Variants in SPECC1 observed in about 807,000 individuals in gnomAD.
The protein encoded by SPECC1 is cytospin-B.
In SPECC1, 62 loss-of-function variants were observed where a neutral mutation model predicts 104.1. That is an observed-to-expected ratio of 0.60 (90% CI 0.49 to 0.74). The LOEUF is 0.74. Among genes scored for constraint, SPECC1 ranks in the 30% least tolerant of loss-of-function variants. The pLI is 0.00. For synonymous variants in SPECC1, 513 were observed against 501.6 expected (o/e 1.02, Z -0.30); for missense variants, 1,306 against 1,310.5 (o/e 1.00, Z 0.05).
chr17:20,299,555 C>CAAAAAAAAAAAAAA (rs57493380), intron 13 of SPECC1, among the ~76,000 whole-genome samples: 1 of 40,366 alleles, frequency 2.5e-5, no homozygotes, highest in Non-Finnish European at 5.3e-5. Context: ...GACCCTGTCT[C>CAAAAAAAAAAAAAA]AAAAAAAAAA....
At chr17:20,058,283 T>G (rs1316674113) in intron 1 of SPECC1, among the ~76,000 whole-genome samples, 1 of 152,228 alleles carries the variant, frequency 6.6e-6, no homozygotes, top group African/African-American at 2.4e-5. Context: ...TGGGACTCAC[T>G]GTCCATACTG....
intron 9 of SPECC1, among the ~76,000 whole-genome samples, chr17:20,248,662 T>C (rs1447974205): frequency 6.6e-6 from 1 of 152,242 alleles, no homozygotes; most frequent in Non-Finnish European, 1.5e-5. Context: ...TTATCTCTTG[T>C]GTGTCGGTGT....
At chr17:20,286,933 A>C (rs889392279) in intron 12 of SPECC1, among the ~76,000 whole-genome samples, 1 of 152,162 alleles carries the variant, frequency 6.6e-6, no homozygotes, top group East Asian at 1.9e-4. Context: ...CCCAGGCTGC[A>C]GGAGCTCCTG....
intron 1 of SPECC1, among the ~76,000 whole-genome samples, chr17:20,013,220 G>A (rs866254546): frequency 5.9e-5 from 9 of 152,322 alleles, no homozygotes; most frequent in Middle Eastern, 3.4e-3. Flanking sequence ...TATATACCCA[G>A]AAGTAGAATT....
chr17:20,187,645 G>A (rs1567916537), intron 3 of SPECC1, among the ~76,000 whole-genome samples: 2 of 152,110 alleles, frequency 1.3e-5, no homozygotes, highest in Admixed American at 6.5e-5. Context: ...TTCAGTTATG[G>A]GAGTCAAAAC....
At chr17:20,028,045 G>A (rs1034177798) in intron 1 of SPECC1, among the ~76,000 whole-genome samples, 2 of 152,034 alleles carry the variant, frequency 1.3e-5, no homozygotes, top group African/African-American at 2.4e-5. Context: ...TTTTACAGTC[G>A]TAACTCTTAC....
At chr17:20,206,632 A>C (rs938217718) in intron 4 of SPECC1, among the ~76,000 whole-genome samples, 1 of 152,192 alleles carries the variant, frequency 6.6e-6, no homozygotes, top group Non-Finnish European at 1.5e-5. Context: ...ATGTATTGTC[A>C]AACATTTGTG....
chr17:20,098,927 C>T (rs1193358102), intron 2 of SPECC1, among the ~76,000 whole-genome samples: 2 of 152,148 alleles, frequency 1.3e-5, no homozygotes, highest in Non-Finnish European at 2.9e-5. Context: ...CTGGTAGGCA[C>T]TCAGTATTTA....
chr17:20,274,532 T>C (rs543083176), intron 12 of SPECC1, among the ~76,000 whole-genome samples: 1 of 139,766 alleles, frequency 7.2e-6, no homozygotes, highest in South Asian at 2.3e-4. Context: ...TTTTGAGAGG[T>C]AGTCTCAAAA....
chr17:20,108,737 T>G (rs1312286939), intron 2 of SPECC1, among the ~76,000 whole-genome samples: 1 of 152,220 alleles, frequency 6.6e-6, no homozygotes, highest in Non-Finnish European at 1.5e-5. Flanking sequence ...TGTTCTAGTT[T>G]TGGGCTGCTA....
At chr17:20,182,737 A>C (rs544927680) in intron 3 of SPECC1, among the ~76,000 whole-genome samples, 4 of 152,332 alleles carry the variant, frequency 2.6e-5, no homozygotes, top group East Asian at 1.9e-4. Context: ...CTGAGTCTCA[A>C]GTAGCTTAGA....
chr17:20,199,391 T>G (rs1377370979), intron 3 of SPECC1, among the ~76,000 whole-genome samples: 3 of 141,636 alleles, frequency 2.1e-5, no homozygotes, highest in African/African-American at 5.2e-5. Flanking sequence ...TGGTTTTTTT[T>G]TTTTTTTTTT....
chr17:20,181,098 A>T (rs1283161253), intron 3 of SPECC1, among the ~76,000 whole-genome samples: 2 of 152,196 alleles, frequency 1.3e-5, no homozygotes, highest in African/African-American at 4.8e-5. Flanking sequence ...AAATCTAGAC[A>T]AATTATAAAT....
chr17:20,051,074 T>C (rs1008119600), intron 1 of SPECC1, among the ~76,000 whole-genome samples: 1 of 64,284 alleles, frequency 1.6e-5, no homozygotes, highest in Non-Finnish European at 3.0e-5. Flanking sequence ...TTCTTTTTCT[T>C]TCTTTCTTTC....
At chr17:20,140,000 C>T (rs920037030) in intron 3 of SPECC1, among the ~76,000 whole-genome samples, 1 of 152,004 alleles carries the variant, frequency 6.6e-6, no homozygotes, top group Non-Finnish European at 1.5e-5. Flanking sequence ...TTTTGCATTC[C>T]CCTGACTTCA....
intron 4 of SPECC1, among the ~76,000 whole-genome samples, chr17:20,225,833 C>T (rs1160101860): frequency 1.3e-5 from 2 of 152,148 alleles, no homozygotes; most frequent in Non-Finnish European, 2.9e-5. Context: ...TCCTTTTTGG[C>T]CATGTTGTTC....
intron 1 of SPECC1, among the ~76,000 whole-genome samples, chr17:20,016,738 C>T (rs1426667539): frequency 6.6e-6 from 1 of 152,222 alleles, no homozygotes; most frequent in East Asian, 1.9e-4. Flanking sequence ...GCGGCCCGAG[C>T]CTCCCTGACA....
At chr17:20,307,115 A>G (rs1232743643) in intron 14 of SPECC1, among the ~76,000 whole-genome samples, 8 of 152,216 alleles carry the variant, frequency 5.3e-5, no homozygotes, top group Admixed American at 5.2e-4. Flanking sequence ...GAAATACTAA[A>G]TTGGAAAATA....
intron 3 of SPECC1, among the ~76,000 whole-genome samples, chr17:20,180,565 C>A (rs1306351680): frequency 6.6e-6 from 1 of 152,182 alleles, no homozygotes; most frequent in Non-Finnish European, 1.5e-5. Context: ...AAATTGCCAA[C>A]TTGGATGCTC....
Sources: gnomAD v4.1 joint callset for allele counts (sites outside exome capture counted in the v4.1 genomes callset) on GRCh38, gnomAD v4.1.1 for gene constraint, MANE v1.5 for transcripts, NCBI Gene and HGNC (gene_info 2026-07-23, HGNC 2026-07-21) for gene names.